Variants in FGD6 observed in about 807,000 individuals in gnomAD.
FGD6 encodes the protein FYVE, RhoGEF and PH domain-containing protein 6.
Under a neutral mutation model 149.4 loss-of-function variants are expected in FGD6, and 90 were observed. That is an observed-to-expected ratio of 0.60 (90% confidence interval 0.51 to 0.72). The LOEUF (loss-of-function observed/expected upper bound fraction) is 0.72, where lower values mean the gene tolerates loss of function less well. Ranked by LOEUF, FGD6 falls within the 30% of genes least tolerant of loss-of-function variation. The pLI is 0.00. For synonymous variants in FGD6, 527 were observed against 584.0 expected (o/e 0.90, Z 1.41); for missense variants, 1,437 against 1,684.8 (o/e 0.85, Z 2.57).
chr12:95,082,314 A>G (rs749840604), intron 20 of FGD6, among the ~76,000 whole-genome samples: 3 of 151,866 alleles, frequency 2.0e-5, no homozygotes, highest in Non-Finnish European at 4.4e-5. Flanking sequence ...CAAGATTTGC[A>G]ATTAAAAGGA....
At chr12:95,184,307 G>A (rs1185544201) in intron 2 of FGD6, among the ~76,000 whole-genome samples, 2 of 152,248 alleles carry the variant, frequency 1.3e-5, no homozygotes, top group African/African-American at 4.8e-5. Context: ...AGGCTTCTTG[G>A]GAGCCCATGA....
At chr12:95,082,603 G>A (rs1877714203) in intron 20 of FGD6, among the ~76,000 whole-genome samples, 1 of 146,160 alleles carries the variant, frequency 6.8e-6, no homozygotes, top group Non-Finnish European at 1.5e-5. Flanking sequence ...GTTGCAGTGA[G>A]CTGAGACTGC....
chr12:95,149,848 A>G (rs1274911450), intron 5 of FGD6, among the ~76,000 whole-genome samples: 1 of 146,732 alleles, frequency 6.8e-6, no homozygotes, highest in Non-Finnish European at 1.5e-5. Context: ...TACATATACT[A>G]TATAAAATAT....
chr12:95,203,428 C>G (rs1361919698), intron 2 of FGD6, among the ~76,000 whole-genome samples: 1 of 152,150 alleles, frequency 6.6e-6, no homozygotes, highest in Admixed American at 6.5e-5. Context: ...TAAAACTGCT[C>G]TCACCAACAT....
At chr12:95,133,333 G>A (rs561025474) in intron 8 of FGD6, among the ~76,000 whole-genome samples, 5 of 152,120 alleles carry the variant, frequency 3.3e-5, no homozygotes, top group Non-Finnish European at 5.9e-5. Flanking sequence ...CAGGAGAATC[G>A]CTTGAACCTG....
chr12:95,107,779 AT>A, intron 11 of FGD6, 148 bp from the exon 12 acceptor site: 1 of 753,044 alleles, frequency 1.3e-6, no homozygotes, highest in Non-Finnish European at 2.2e-6. Flanking sequence ...GTCATAGTTA[AT>A]TTTAAACCCT....
chr12:95,139,376 G>C (rs894362509), intron 6 of FGD6, among the ~76,000 whole-genome samples: 10 of 151,974 alleles, frequency 6.6e-5, no homozygotes, highest in African/African-American at 9.7e-5. Flanking sequence ...GGGAAGTCAA[G>C]GCTGCAGTGA....
intron 2 of FGD6, among the ~76,000 whole-genome samples, chr12:95,177,445 AAAG>A (rs1259201370): frequency 1.3e-5 from 2 of 152,206 alleles, no homozygotes; most frequent in Non-Finnish European, 2.9e-5. Flanking sequence ...AAGCTTGAAG[AAAG>A]AAGTTCTTTC....
At chr12:95,100,643 C>T in intron 14 of FGD6, 1 of 533,944 alleles carries the variant, frequency 1.9e-6, no homozygotes, top group Non-Finnish European at 3.8e-6. Context: ...CCAGTGTGCA[C>T]TATGGAGCTT....
chr12:95,092,574 A>C (rs531805315), intron 16 of FGD6, 125 bp downstream of exon 16: 1 of 931,110 alleles, frequency 1.1e-6, no homozygotes, highest in South Asian at 3.0e-5. Context: ...CCATTAACAT[A>C]ATAATAATAA....
intron 2 of FGD6, among the ~76,000 whole-genome samples, chr12:95,196,801 G>A (rs554624282): frequency 1.2e-4 from 18 of 151,608 alleles, no homozygotes; most frequent in East Asian, 4.0e-4. Flanking sequence ...CACCATGCCT[G>A]GCTAATTTTT....
At chr12:95,190,564 T>C (rs913398036) in intron 2 of FGD6, among the ~76,000 whole-genome samples, 44 of 152,186 alleles carry the variant, frequency 2.9e-4, no homozygotes, top group African/African-American at 1.0e-3. Context: ...AATTAGTCCA[T>C]TCCAGGGCTC....
chr12:95,159,827 T>A (rs1258917610), intron 3 of FGD6, among the ~76,000 whole-genome samples: 1 of 152,038 alleles, frequency 6.6e-6, no homozygotes, highest in East Asian at 1.9e-4. Flanking sequence ...AGCAAGACCC[T>A]GTCTTTACAA....
chr12:95,193,885 T>G (rs1046929468), intron 2 of FGD6, among the ~76,000 whole-genome samples: 11 of 151,896 alleles, frequency 7.2e-5, no homozygotes, highest in African/African-American at 2.7e-4. Context: ...TATGATTCTA[T>G]ATTTTTATTA....
intron 2 of FGD6, chr12:95,189,119 A>G (rs1195028383): frequency 6.6e-6 from 1 of 152,184 alleles, no homozygotes; most frequent in African/African-American, 2.4e-5. Context: ...AGCAAAATGG[A>G]AGCTTCTATA....
At chr12:95,212,374 T>G (rs752556294) in intron 1 of FGD6, among the ~76,000 whole-genome samples, 4 of 152,224 alleles carry the variant, frequency 2.6e-5, no homozygotes, top group Non-Finnish European at 5.9e-5. Flanking sequence ...ACATTATATA[T>G]AAGGTATTTA....
intron 8 of FGD6, among the ~76,000 whole-genome samples, chr12:95,121,426 G>A (rs1198814732): frequency 1.5e-5 from 2 of 134,950 alleles, no homozygotes; most frequent in Admixed American, 8.1e-5. Context: ...CTCCAGCCTG[G>A]GTAATAAGAG....
At chr12:95,092,896 T>C in intron 15 of FGD6, 51 bp from the exon 16 acceptor site, 2 of 1,555,178 alleles carry the variant, frequency 1.3e-6, no homozygotes, top group Non-Finnish European at 1.7e-6. Context: ...TGCCTGCCTT[T>C]TTATTCGGCA....
At chr12:95,183,460 T>A (rs1246758954) in intron 2 of FGD6, among the ~76,000 whole-genome samples, 1 of 152,204 alleles carries the variant, frequency 6.6e-6, no homozygotes, top group Non-Finnish European at 1.5e-5. Context: ...CTGCTGTTGA[T>A]CTCACCCGTC....
Sources: allele counts gnomAD v4.1 joint callset (sites outside exome capture counted in the v4.1 genomes callset), GRCh38; gene constraint gnomAD v4.1.1; transcripts MANE v1.5; gene names NCBI Gene and HGNC (gene_info 2026-07-23, HGNC 2026-07-21).